The following DCUN1D4 variants were observed in gnomAD, a reference collection of about 807,000 sequenced individuals.
DCUN1D4 encodes the protein DCN1-like protein 4.
In DCUN1D4, 22 loss-of-function variants were observed where a neutral mutation model predicts 47.9. The ratio of observed to expected loss-of-function variants is 0.46; its 90% CI spans 0.33 to 0.66. DCUN1D4 has a LOEUF of 0.66. DCUN1D4 is among the 30% of genes least tolerant of loss of function. The pLI is 0.02. For synonymous variants in DCUN1D4, 121 were observed against 112.2 expected (o/e 1.08, Z -0.50); for missense variants, 301 against 340.8 (o/e 0.88, Z 0.92).
At chr4:51,848,269 G>A (rs559803820) in intron 1 of DCUN1D4, 328 of 1,289,376 alleles carry the variant, frequency 2.5e-4, no homozygotes, top group Non-Finnish European at 3.2e-4. Context: ...CTGGTGATGT[G>A]CTGAGGGAAC....
At chr4:51,842,759 T>G (rs181545450), upstream of DCUN1D4, among the ~76,000 whole-genome samples, 585 of 152,206 alleles carry the variant, frequency 3.8e-3, no homozygotes, top group Non-Finnish European at 7.2e-3. Context: ...GGGAAACACT[T>G]CGCGTGCTTT....
At chr4:51,865,767 T>G (rs1271538940) in intron 3 of DCUN1D4, among the ~76,000 whole-genome samples, 1 of 152,188 alleles carries the variant, frequency 6.6e-6, no homozygotes, top group African/African-American at 2.4e-5. Context: ...AATTGAAAAT[T>G]AGGTGTAAGA....
chr4:51,913,473 A>G (rs2110150629), intron 10 of DCUN1D4, 56 bp from the exon 11 acceptor site: 9 of 1,552,228 alleles, frequency 5.8e-6, no homozygotes, highest in African/African-American at 1.4e-5. Context: ...CTACATTACT[A>G]TTATTATTAT....
intron 1 of DCUN1D4, among the ~76,000 whole-genome samples, chr4:51,845,615 T>A (rs1466601300): frequency 6.6e-6 from 1 of 152,216 alleles, no homozygotes; most frequent in East Asian, 1.9e-4. Context: ...GACTCCAGAA[T>A]CTGTAATGTA....
At chr4:51,904,245 G>T (rs2110114575) in intron 8 of DCUN1D4, among the ~76,000 whole-genome samples, 1 of 152,130 alleles carries the variant, frequency 6.6e-6, no homozygotes, top group Middle Eastern at 3.4e-3. Context: ...TTTTTTTGAG[G>T]ATTCTACCCA....
chr4:51,843,562 C>T lies in DCUN1D4; in HGVS notation c.25+295C>T, dbSNP rs764617614. 20 of 1,273,594 alleles carry T rather than the reference C, an allele frequency of 1.6e-5. No homozygotes were observed. The African/African-American group carries it at 2.9e-4, about 19-fold the overall frequency. 78.9% of individuals were successfully genotyped at this position (1,273,594 alleles called of 1,614,324 possible). ...GGAGGGCTGGACGTGCGATGAAGGG[C>T]CGAGATCGGAGTGTCCGGGGTGCAT... is the stretch of plus-strand genomic sequence containing the variant. On this transcript the variant is annotated intron_variant, in intron 1 of 10. Transcript: ENST00000334635.
At chr4:51,875,085 G>A (rs1314062156) in intron 4 of DCUN1D4, 1 of 152,130 alleles carries the variant, frequency 6.6e-6, no homozygotes, top group Non-Finnish European at 1.5e-5. Context: ...TAATGGGCCA[G>A]AATTTCCACA....
In DCUN1D4 at chr4:51,914,426, C is replaced by CT. The variant is rs937789653; in HGVS notation, c.*843dup. 5 of 152,480 alleles carry CT rather than the reference C, an allele frequency of 3.3e-5. 1 individual carries two copies. Among genetic ancestry groups the CT allele is most frequent in the Non-Finnish European group, 2.9e-5 (2 of 67,996 alleles). 9.4% of individuals were successfully genotyped at this position (152,480 alleles called of 1,614,324 possible). On this transcript the variant is annotated 3_prime_UTR_variant, in exon 11 of 11. Coordinates refer to ENST00000334635, the MANE Select transcript of DCUN1D4 (RefSeq NM_001040402.3). ...ATCTGCTAATGCTTTCTTTGCCACT[C>CT]TAAGTAAAATTTATTTCACCTCCTC...
intron 9 of DCUN1D4, among the ~76,000 whole-genome samples, chr4:51,913,081 G>C (rs1733943185): frequency 2.0e-5 from 3 of 151,988 alleles, no homozygotes; most frequent in African/African-American, 7.3e-5. Flanking sequence ...TTTGTATTGA[G>C]ACCCTGTCAT....
Position 51,913,804 on chromosome 4 carries a change from G to A in DCUN1D4, c.*220G>A. 1 of 471,658 alleles carries A rather than the reference G, an allele frequency of 2.1e-6. No individual in the cohort carries two copies. The highest frequency in any genetic ancestry group is 3.8e-6 in the Non-Finnish European group (1 of 266,658). The allele number at this position is 471,658 out of a possible 1,614,324, so 29.2% of individuals were successfully genotyped here. ...CAGTTTGTATTTACACTACAGATTG[G>A]TGAATTTGCCAACGTCCTCACTGTG... On this transcript the variant is annotated 3_prime_UTR_variant, in exon 11 of 11. Coordinates refer to ENST00000334635, the MANE Select transcript of DCUN1D4 (RefSeq NM_001040402.3).
At chr4:51,909,048 A>AC (rs1327987121) in intron 8 of DCUN1D4, 1 of 454,676 alleles carries the variant, frequency 2.2e-6, no homozygotes, top group African/African-American at 2.0e-5. Flanking sequence ...CATCACTGCC[A>AC]AACATATGCA....
chr4:51,869,177 T>TAA lies in DCUN1D4; in HGVS notation c.137-5086_137-5085dup, dbSNP rs113784146. On this transcript the variant is annotated intron_variant, in intron 3 of 10. Transcript: ENST00000334635. ...CAGAGAGGACCAAAAATAAAAAAAATAAAAAAAAATGAGTAGGGATGATGA... is the reference window on the plus strand; with the variant it reads ...CAGAGAGGACCAAAAATAAAAAAAATAAAAAAAAAAATGAGTAGGGATGATGA... Among the ~76,000 whole-genome samples, 181 of 109,600 alleles carry TAA rather than the reference T, an allele frequency of 1.7e-3. 1 individual carries two copies. Among genetic ancestry groups the TAA allele is most frequent in the East Asian group, 0.016 (62 of 3,904 alleles). 71.9% of individuals were successfully genotyped at this position (109,600 alleles called of 152,430 possible). A position where few individuals can be genotyped will look rare whatever the true frequency, so the allele number is the denominator to read the frequency against.
At chr4:51,913,448 T>C in intron 10 of DCUN1D4, 56 bp downstream of exon 10, 1 of 1,578,764 alleles carries the variant, frequency 6.3e-7, no homozygotes, top group East Asian at 2.3e-5. Context: ...TCATCCTCAT[T>C]GGGAAAAGCC....
chr4:51,853,039 G>A (rs183246970), intron 1 of DCUN1D4, among the ~76,000 whole-genome samples: 1 of 152,312 alleles, frequency 6.6e-6, no homozygotes, highest in Admixed American at 6.5e-5. Flanking sequence ...GGTGGGGTGA[G>A]GAGAATGAAG....
At chr4:51,891,880 C>T (rs757207180) in intron 7 of DCUN1D4, 29 bp downstream of exon 7, 2 of 1,533,310 alleles carry the variant, frequency 1.3e-6, no homozygotes, top group Non-Finnish European at 1.8e-6. Context: ...TAGTGGGGGT[C>T]CCTGCCCTTC....
chr4:51,907,787 AG>A (rs1376124378), intron 8 of DCUN1D4, among the ~76,000 whole-genome samples: 22 of 152,194 alleles, frequency 1.4e-4, no homozygotes, highest in African/African-American at 5.1e-4. Context: ...TTGATTTAGC[AG>A]ATCTGGATAC....
intron 7 of DCUN1D4, among the ~76,000 whole-genome samples, chr4:51,893,396 T>A (rs1396055304): frequency 6.6e-6 from 1 of 151,958 alleles, no homozygotes; most frequent in Non-Finnish European, 1.5e-5. Flanking sequence ...TTCTCACTTT[T>A]CTTCATTGCT....
At chr4:51,834,091 C>CTTTTTTTTTTTTTTTT in the DCUN1D4 span, among the ~76,000 whole-genome samples, 2 of 49,526 alleles carry the variant, frequency 4.0e-5, no homozygotes, top group Non-Finnish European at 7.0e-5. Context: ...TCTCTCTTTT[C>CTTTTTTTTTTTTTTTT]TTTTCTTCTT....
chr4:51,887,920 T>A (rs1024544393), intron 6 of DCUN1D4, among the ~76,000 whole-genome samples: 18 of 151,016 alleles, frequency 1.2e-4, no homozygotes, highest in East Asian at 5.8e-4. Flanking sequence ...TTTTTTTTTT[T>A]AAATGTATTC....
Sources: gnomAD v4.1 joint callset for allele counts (sites outside exome capture counted in the v4.1 genomes callset) on GRCh38, gnomAD v4.1.1 for gene constraint, MANE v1.5 for transcripts, NCBI Gene and HGNC (gene_info 2026-07-23, HGNC 2026-07-21) for gene names.